The following PITPNC1 variants were observed in gnomAD, a reference collection of about 807,000 sequenced individuals.
PITPNC1 encodes phosphatidylinositol transfer protein cytoplasmic 1.
Under a neutral mutation model 44.7 loss-of-function variants are expected in PITPNC1, and 18 were observed. The ratio of observed to expected loss-of-function variants is 0.40; its 90% CI spans 0.28 to 0.60. PITPNC1 has a LOEUF of 0.60. Among genes scored for constraint, PITPNC1 ranks in the 20% least tolerant of loss-of-function variants. The probability of loss-of-function intolerance (pLI) is 0.39; values close to 1 mark genes in which losing one functional copy is unlikely to be tolerated. For synonymous variants in PITPNC1, 141 were observed against 149.6 expected, an observed-to-expected ratio of 0.94 and a Z score of 0.42; for missense variants, 290 against 418.4, an observed-to-expected ratio of 0.69 and a Z score of 2.68.
In PITPNC1 at chr17:67,377,464, A is replaced by G; in HGVS notation, c.-691A>G. ...CCTGGCAGCCGCGAGCCGAGGTTGG[A>G]GGCGCCCGGGGCCCCAGCCGGGCAG... On this transcript the variant is annotated 5_prime_UTR_variant, in exon 1 of 9. Coordinates refer to ENST00000581322, the MANE Select transcript of PITPNC1 (RefSeq NM_012417.4). 6.5e-6 allele frequency: 1 copy of G among 152,972 alleles called. No individual in the cohort carries two copies. The allele number at this position is 152,972 out of a possible 1,614,324, so 9.5% of individuals were successfully genotyped here.
At chr17:67,637,483 C>A (rs1333932325) in intron 6 of PITPNC1, among the ~76,000 whole-genome samples, 1 of 152,112 alleles carries the variant, frequency 6.6e-6, no homozygotes, top group African/African-American at 2.4e-5. Context: ...CTCCTCTCCA[C>A]TCAGCTACTG....
At chr17:67,662,300 A>G (rs2042360473) in intron 6 of PITPNC1, among the ~76,000 whole-genome samples, 1 of 151,850 alleles carries the variant, frequency 6.6e-6, no homozygotes, top group South Asian at 2.1e-4. Flanking sequence ...CTAAAAATAC[A>G]AAAATTAGCC....
chr17:67,402,698 G>T (rs185546418), intron 1 of PITPNC1, among the ~76,000 whole-genome samples: 64 of 152,212 alleles, frequency 4.2e-4, no homozygotes, highest in Admixed American at 2.2e-3. Context: ...TTGGAGTCTC[G>T]CTTTGTCGCC....
chr17:67,382,406 A>G (rs2143778243), intron 1 of PITPNC1, among the ~76,000 whole-genome samples: 1 of 152,070 alleles, frequency 6.6e-6, no homozygotes, highest in Non-Finnish European at 1.5e-5. Flanking sequence ...AGAATTAATA[A>G]AAGTAACATT....
At chr17:67,399,008 CTTTTTTTTT>C (rs34059580) in intron 1 of PITPNC1, among the ~76,000 whole-genome samples, 4 of 88,490 alleles carry the variant, frequency 4.5e-5, no homozygotes, top group African/African-American at 1.0e-4. Flanking sequence ...AGAGGATCAG[CTTTTTTTTT>C]TTTTTTTTTT....
intron 5 of PITPNC1, among the ~76,000 whole-genome samples, chr17:67,618,651 C>T (rs2041791563): frequency 6.6e-6 from 1 of 152,048 alleles, no homozygotes; most frequent in Non-Finnish European, 1.5e-5. Flanking sequence ...ACTCAGGAGA[C>T]TGAGGCAGGA....
chr17:67,666,151 TTTTGTTTTG>T (rs1255509026), intron 6 of PITPNC1, among the ~76,000 whole-genome samples: 1 of 151,436 alleles, frequency 6.6e-6, no homozygotes, highest in Non-Finnish European at 1.5e-5. Context: ...CCAAGTGTTT[TTTTGTTTTG>T]TTTTGTTTTG....
At chr17:67,599,001 CATATATAT>C (rs1172990089) in intron 5 of PITPNC1, among the ~76,000 whole-genome samples, 1,650 of 45,102 alleles carry the variant, frequency 0.037, 139 homozygotes, top group South Asian at 0.11. Context: ...ATAAGAAATA[CATATATAT>C]ATATATATAT....
intron 1 of PITPNC1, among the ~76,000 whole-genome samples, chr17:67,402,890 C>T (rs1293388438): frequency 2.0e-5 from 3 of 152,156 alleles, no homozygotes; most frequent in East Asian, 1.9e-4. Flanking sequence ...TAGTCCGGAA[C>T]GCCTGACCTC....
chr17:67,567,136 G>C (rs1337871575), intron 4 of PITPNC1, among the ~76,000 whole-genome samples: 5 of 152,152 alleles, frequency 3.3e-5, no homozygotes, highest in Non-Finnish European at 7.3e-5. Flanking sequence ...CATGTGGAAT[G>C]TTGGCCAGGT....
intron 1 of PITPNC1, among the ~76,000 whole-genome samples, chr17:67,380,840 C>T (rs974516250): frequency 1.3e-5 from 2 of 151,952 alleles, no homozygotes; most frequent in African/African-American, 4.8e-5. Flanking sequence ...GTGGCGTGAT[C>T]CTAGTTCACT....
At chr17:67,465,925 G>T (rs1224938318) in intron 1 of PITPNC1, among the ~76,000 whole-genome samples, 2 of 151,932 alleles carry the variant, frequency 1.3e-5, no homozygotes, top group Non-Finnish European at 2.9e-5. Context: ...CTAAACTTCA[G>T]GTGTCTTGGG....
At chr17:67,425,203 GCACACACACACA>G (rs60705271) in intron 1 of PITPNC1, among the ~76,000 whole-genome samples, 5,313 of 98,742 alleles carry the variant, frequency 0.054, 520 homozygotes, top group African/African-American at 0.097. Flanking sequence ...GCACGCACAC[GCACACACACACA>G]CACACACACA....
At chr17:67,641,307 A>G (rs1199821200) in intron 6 of PITPNC1, among the ~76,000 whole-genome samples, 1 of 152,230 alleles carries the variant, frequency 6.6e-6, no homozygotes, top group African/African-American at 2.4e-5. Flanking sequence ...CAAATCTCCT[A>G]TGATCCCTCA....
intron 1 of PITPNC1, among the ~76,000 whole-genome samples, chr17:67,464,626 G>A (rs994907026): frequency 2.0e-5 from 3 of 152,152 alleles, no homozygotes; most frequent in Admixed American, 2.0e-4. Context: ...TGGACCAGGA[G>A]AAGATTGATG....
chr17:67,645,342 A>AG (rs1176440163), intron 6 of PITPNC1, among the ~76,000 whole-genome samples: 49 of 138,314 alleles, frequency 3.5e-4, no homozygotes, highest in African/African-American at 1.3e-3. Context: ...ACTCCATCTC[A>AG]GAAAAAAAAA....
chr17:67,603,269 G>T lies in PITPNC1; in HGVS notation c.366+25012G>T, dbSNP rs28417218. 7.6e-3 allele frequency among the ~76,000 whole-genome samples: 1,156 copies of T among 151,840 alleles called. 12 individuals are homozygous for T. Among genetic ancestry groups the T allele is most frequent in the African/African-American group, 0.027 (1,105 of 41,362 alleles). ...TCTCATCAAAAGCAAGGCAAAGAGG[G>T]TATAGATTAGACTAGCAGGCCCCGG... On this transcript the variant is annotated intron_variant, in intron 5 of 8. Transcript: ENST00000581322.
chr17:67,650,345 C>T (rs567131134), intron 6 of PITPNC1, among the ~76,000 whole-genome samples: 2 of 151,782 alleles, frequency 1.3e-5, no homozygotes, highest in African/African-American at 4.8e-5. Flanking sequence ...AGCTTCCTTC[C>T]TTGACTTTCC....
rs925215354 is a variant in PITPNC1, at chr17:67,378,019, G to A, written c.-136G>A. On this transcript the variant is annotated 5_prime_UTR_variant, in exon 1 of 9. Coordinates refer to ENST00000581322, the MANE Select transcript of PITPNC1 (RefSeq NM_012417.4). ...GAGAGGAGGAAGCCAGGAGCTGAGC[G>A]CGCCGCGGGGGCTGCTTCGCCCTCC... 2.3e-5 allele frequency: 11 copies of A among 471,170 alleles called. No homozygotes were observed. The highest frequency in any genetic ancestry group is 2.3e-4 in the African/African-American group (11 of 48,442). 29.2% of individuals were successfully genotyped at this position (471,170 alleles called of 1,614,324 possible). A position where few individuals can be genotyped will look rare whatever the true frequency, so the allele number is the denominator to read the frequency against.
Sources: allele counts gnomAD v4.1 joint callset (sites outside exome capture counted in the v4.1 genomes callset), GRCh38; gene constraint gnomAD v4.1.1; transcripts MANE v1.5; gene names NCBI Gene and HGNC (gene_info 2026-07-23, HGNC 2026-07-21).